AMPH: variants seen among roughly 807,000 people sequenced by gnomAD.
AMPH encodes the protein amphiphysin (Stiff-Mann syndrome with breast cancer 128kD autoantigen).
A neutral mutation model predicts 99.1 loss-of-function variants in AMPH; 49 were observed. The observed-to-expected ratio is 0.49, with a 90% CI of 0.39 to 0.63. The LOEUF (loss-of-function observed/expected upper bound fraction) is 0.63, where lower values mean the gene tolerates loss of function less well. AMPH is among the 20% of genes least tolerant of loss of function. The pLI is 0.00. For missense variants in AMPH, 759 were observed against 863.4 expected (o/e 0.88, Z 1.52); for synonymous variants, 314 against 317.3 (o/e 0.99, Z 0.11).
At chr7:38,547,631 C>A (rs1385064910) in intron 1 of AMPH, among the ~76,000 whole-genome samples, 1 of 152,188 alleles carries the variant, frequency 6.6e-6, no homozygotes, top group Non-Finnish European at 1.5e-5. Context: ...AGGTTAAGGA[C>A]AAGCTATGAC....
chr7:38,410,936 C>G (rs1034494257), intron 17 of AMPH, among the ~76,000 whole-genome samples: 6 of 152,204 alleles, frequency 3.9e-5, no homozygotes, highest in African/African-American at 9.7e-5. Context: ...TGTGGGAAGT[C>G]TTTGTGTCCA....
At chr7:38,441,991 A>C (rs186089481) in intron 11 of AMPH, among the ~76,000 whole-genome samples, 168 of 151,864 alleles carry the variant, frequency 1.1e-3, no homozygotes, top group Admixed American at 2.7e-3. Flanking sequence ...TCCTTAGCAA[A>C]CTAACACAGG....
intron 1 of AMPH, among the ~76,000 whole-genome samples, chr7:38,630,807 T>TC (rs1328585720): frequency 6.6e-6 from 1 of 152,016 alleles, no homozygotes; most frequent in African/African-American, 2.4e-5. Flanking sequence ...AGCCACAAAA[T>TC]CCCCCGCAAG....
chr7:38,522,003 T>C (rs1215833840), intron 2 of AMPH, among the ~76,000 whole-genome samples: 1 of 152,186 alleles, frequency 6.6e-6, no homozygotes, highest in African/African-American at 2.4e-5. Flanking sequence ...ACAGCTATCA[T>C]AGGAAACTCC....
intron 1 of AMPH, among the ~76,000 whole-genome samples, chr7:38,614,215 A>C (rs567791449): frequency 4.9e-4 from 74 of 152,306 alleles, no homozygotes; most frequent in African/African-American, 1.8e-3. Context: ...ATCCCAGCAA[A>C]AGTTGGAATT....
chr7:38,611,170 T>A (rs1342885143), intron 1 of AMPH, among the ~76,000 whole-genome samples: 2 of 152,176 alleles, frequency 1.3e-5, no homozygotes, highest in African/African-American at 4.8e-5. Context: ...AGAACATGGA[T>A]GAAACTTGAA....
At chr7:38,427,535 T>A (rs972798579) in intron 14 of AMPH, among the ~76,000 whole-genome samples, 1 of 152,110 alleles carries the variant, frequency 6.6e-6, no homozygotes, top group Non-Finnish European at 1.5e-5. Context: ...GAGAATAAAC[T>A]CAGAAAATGA....
chr7:38,610,367 AGAAAAGAAAG>A (rs1260100975), intron 1 of AMPH, among the ~76,000 whole-genome samples: 3 of 50,138 alleles, frequency 6.0e-5, no homozygotes, highest in African/African-American at 2.0e-4. Context: ...AGAAAAGAAA[AGAAAAGAAAG>A]GAAAGGAAAA....
chr7:38,533,213 C>T (rs1790478473), intron 2 of AMPH, among the ~76,000 whole-genome samples: 1 of 152,178 alleles, frequency 6.6e-6, no homozygotes. Context: ...GACTAGGAGA[C>T]TACTTATTCT....
chr7:38,478,749 AAG>A (rs1788178506), intron 5 of AMPH, among the ~76,000 whole-genome samples: 1 of 152,194 alleles, frequency 6.6e-6, no homozygotes, highest in South Asian at 2.1e-4. Context: ...GGAATTTCAG[AAG>A]AGATATAGAA....
intron 6 of AMPH, 61 bp downstream of exon 6, chr7:38,476,801 G>C (rs971066134): frequency 4.8e-5 from 61 of 1,278,534 alleles, no homozygotes; most frequent in Non-Finnish European, 6.0e-5. Context: ...ATTTTAAAAA[G>C]TAAAGCTGCA....
intron 17 of AMPH, among the ~76,000 whole-genome samples, chr7:38,396,174 G>C (rs1261791113): frequency 6.6e-6 from 1 of 152,090 alleles, no homozygotes; most frequent in Non-Finnish European, 1.5e-5. Context: ...GTTTGGCTCT[G>C]TGTCCCCACC....
intron 2 of AMPH, among the ~76,000 whole-genome samples, chr7:38,509,610 T>G (rs899537400): frequency 2.6e-5 from 4 of 152,212 alleles, no homozygotes; most frequent in African/African-American, 9.7e-5. Context: ...AAGATCTGCT[T>G]TATTGCCTTG....
chr7:38,465,761 T>C (rs567025888), intron 8 of AMPH, among the ~76,000 whole-genome samples: 1 of 152,252 alleles, frequency 6.6e-6, no homozygotes, highest in Admixed American at 6.5e-5. Flanking sequence ...TAAATATATA[T>C]GTATATATTT....
Position 38,466,238 on chromosome 7 carries a change from A to C in AMPH, c.601T>G (p.Phe201Val), listed in dbSNP as rs749621749. 22 of 1,592,946 alleles carry C rather than the reference A, an allele frequency of 1.4e-5. No homozygotes were observed. The highest frequency in any genetic ancestry group is 1.6e-5 in the Non-Finnish European group (19 of 1,174,128). ...ACGTTTTTGAAAGTATTAACATAAA[A>C]TCCAACTCGTCTGCCATGTGGAAAC... The part of the protein sequence containing the change: ...LPSLWSRRVG[F>V]YVNTFKNVSS... Residue 201 changes from phenylalanine to valine, a missense_variant, in exon 8 of 21, where the codon TTT (phenylalanine) becomes GTT (valine). Physicochemically the swap from Phe to Val is conservative, Grantham distance 50. Transcript: ENST00000356264.
At chr7:38,538,101 T>A (rs1035529097) in intron 1 of AMPH, among the ~76,000 whole-genome samples, 1 of 152,224 alleles carries the variant, frequency 6.6e-6, no homozygotes, top group African/African-American at 2.4e-5. Context: ...AGAAATTAAA[T>A]AGTTTGTTGC....
chr7:38,490,941 C>T, intron 5 of AMPH, 109 bp downstream of exon 5: 1 of 671,722 alleles, frequency 1.5e-6, no homozygotes, highest in Non-Finnish European at 2.5e-6. Context: ...AAGTTACCAA[C>T]TATCTTTGAT....
At chr7:38,475,528 G>A in intron 6 of AMPH, 112 bp from the exon 7 acceptor site, 1 of 686,464 alleles carries the variant, frequency 1.5e-6, no homozygotes, top group Non-Finnish European at 2.4e-6. Context: ...AATATTTTGA[G>A]AAGGAGAGTA....
At chr7:38,572,278 C>T (rs137918373) in intron 1 of AMPH, among the ~76,000 whole-genome samples, 3 of 152,078 alleles carry the variant, frequency 2.0e-5, no homozygotes, top group Non-Finnish European at 4.4e-5. Flanking sequence ...CAAATCCTTA[C>T]CACTGTCCTA....
Sources: gnomAD v4.1 joint callset for allele counts (sites outside exome capture counted in the v4.1 genomes callset) on GRCh38, gnomAD v4.1.1 for gene constraint, MANE v1.5 for transcripts, NCBI Gene and HGNC (gene_info 2026-07-23, HGNC 2026-07-21) for gene names.